ACSM1: variants seen among roughly 807,000 people sequenced by gnomAD.
ACSM1 encodes acyl-CoA synthetase medium chain family member 1.
ACSM1 carries 79 observed loss-of-function variants against 75.8 expected under a neutral mutation model. The observed-to-expected ratio is 1.04, with a 90% CI of 0.87 to 1.26. ACSM1 has a LOEUF of 1.26. Among genes scored for constraint, ACSM1 ranks in the 50% most tolerant of loss-of-function variants. The probability of loss-of-function intolerance (pLI) is 0.00; values close to 1 mark genes in which losing one functional copy is unlikely to be tolerated. For synonymous variants in ACSM1, 279 were observed against 265.8 expected, an observed-to-expected ratio of 1.05 and a Z score of -0.48; for missense variants, 676 against 720.1, an observed-to-expected ratio of 0.94 and a Z score of 0.70.
chr16:20,672,921 TTAC>T (rs1476554479), intron 4 of ACSM1, among the ~76,000 whole-genome samples: 6 of 130,550 alleles, frequency 4.6e-5, no homozygotes, highest in East Asian at 4.5e-4. Flanking sequence ...ATAAAACATA[TTAC>T]ATATAAATAT....
chr16:20,638,031 C>G (rs1054851817), intron 8 of ACSM1, among the ~76,000 whole-genome samples: 5 of 152,208 alleles, frequency 3.3e-5, no homozygotes, highest in Admixed American at 2.6e-4. Flanking sequence ...GTGCTGTTCT[C>G]TCTGTTAGCA....
At chr16:20,679,980 C>G (rs2079405405) in intron 4 of ACSM1, 1 of 152,096 alleles carries the variant, frequency 6.6e-6, no homozygotes, top group Non-Finnish European at 1.5e-5. Flanking sequence ...AAAACAGAAG[C>G]AGTCTGCAAT....
chr16:20,626,250 C>G (rs1029924531), intron 11 of ACSM1, among the ~76,000 whole-genome samples: 1 of 151,800 alleles, frequency 6.6e-6, no homozygotes, highest in Non-Finnish European at 1.5e-5. Flanking sequence ...GCTGGACATG[C>G]TCACTTGAAG....
At chr16:20,683,182 A>G (rs943704986) in intron 3 of ACSM1, among the ~76,000 whole-genome samples, 2 of 151,510 alleles carry the variant, frequency 1.3e-5, no homozygotes, top group Non-Finnish European at 2.9e-5. Flanking sequence ...CAGTGGTGTG[A>G]TCTGAGCTCA....
rs981434797 is a variant in ACSM1 at position 20,691,111 on chromosome 16, C to T, written c.78G>A (p.Gln26=). ...ATTCTGATAAAGACCGGCAGCGCAG[C>T]TGTGAAGGGGCAGGGTGGATGTTGT... ...SFHNIHPAPS[Q]LRCRSLSEFG... Residue 26 remains glutamine, a synonymous_variant, in exon 2 of 14, where the codon CAG becomes CAA. Transcript: ENST00000520010. The T allele has an allele frequency of 1.2e-6, 2 of 1,613,666 alleles. No homozygotes were observed. The highest frequency in any genetic ancestry group is 1.7e-6 in the Non-Finnish European group (2 of 1,179,782).
chr16:20,678,011 AAAATAAATAAATAAAT>A (rs146714630), intron 4 of ACSM1, among the ~76,000 whole-genome samples: 1 of 143,762 alleles, frequency 7.0e-6, no homozygotes, highest in Non-Finnish European at 1.5e-5. Context: ...ACTAAAGGCT[AAAATAAATAAATAAAT>A]AAATAAATAA....
Position 20,697,556 on chromosome 16 carries a change from TACACACACACACACACACACAC to T in ACSM1, c.-52+58_-52+79del, listed in dbSNP as rs57633278. ...GCATTGCCAGAACTTAAAATTGGAT[TACACACACACACACACACACAC>T]ACACACACACACACACACACACACA... On this transcript the variant is annotated intron_variant, in intron 1 of 13. Coordinates refer to ENST00000520010, the MANE Select transcript of ACSM1 (RefSeq NM_001318890.3). 4.3e-5 allele frequency: 6 copies of T among 139,644 alleles called. 2 individuals carry two copies. Among genetic ancestry groups the T allele is most frequent in the South Asian group, 5.1e-4 (2 of 3,898 alleles). The allele number at this position is 139,644 out of a possible 1,614,324, so 8.7% of individuals were successfully genotyped here. A position where few individuals can be genotyped will look rare whatever the true frequency, so the allele number is the denominator to read the frequency against.
At chr16:20,690,057 G>A (rs1322691214) in intron 2 of ACSM1, among the ~76,000 whole-genome samples, 2 of 152,206 alleles carry the variant, frequency 1.3e-5, no homozygotes, top group Non-Finnish European at 2.9e-5. Flanking sequence ...CTGTAACTGA[G>A]GGTTTTATTT....
intron 8 of ACSM1, 126 bp from the exon 9 acceptor site, chr16:20,637,577 G>T (rs535069688): frequency 3.0e-5 from 26 of 853,626 alleles, no homozygotes; most frequent in Non-Finnish European, 5.0e-5. Context: ...GCTGCCCAAA[G>T]AGCCCTCGTA....
intron 5 of ACSM1, 73 bp downstream of exon 5, chr16:20,671,458 C>CAT: frequency 7.0e-7 from 1 of 1,424,818 alleles, no homozygotes; most frequent in Non-Finnish European, 9.5e-7. Context: ...CACACACACA[C>CAT]ACACACACAC....
chr16:20,641,267 G>C (rs1220914483), intron 7 of ACSM1, among the ~76,000 whole-genome samples: 1 of 152,198 alleles, frequency 6.6e-6, no homozygotes, highest in Non-Finnish European at 1.5e-5. Context: ...CTAGCTAATA[G>C]AGGTGGCCTT....
intron 7 of ACSM1, among the ~76,000 whole-genome samples, chr16:20,650,729 G>T (rs2018601956): frequency 6.6e-6 from 1 of 151,982 alleles, no homozygotes; most frequent in South Asian, 2.1e-4. Flanking sequence ...GAATGAGAAT[G>T]ACCCTCTTTT....
At chr16:20,625,168 A>G (rs2016843704) in intron 12 of ACSM1, among the ~76,000 whole-genome samples, 1 of 152,218 alleles carries the variant, frequency 6.6e-6, no homozygotes, top group South Asian at 2.1e-4. Flanking sequence ...TATAAAAAGC[A>G]TAAGTGTTCT....
chr16:20,694,765 A>G (rs758069489), intron 1 of ACSM1, among the ~76,000 whole-genome samples: 1 of 152,164 alleles, frequency 6.6e-6, no homozygotes, highest in Non-Finnish European at 1.5e-5. Context: ...TCAGAACACC[A>G]CTGTATTTGG....
chr16:20,675,444 G>A (rs1423054911), intron 4 of ACSM1, among the ~76,000 whole-genome samples: 1 of 152,142 alleles, frequency 6.6e-6, no homozygotes, highest in African/African-American at 2.4e-5. Context: ...GCAGGGAAAG[G>A]CACGTTCCTG....
intron 1 of ACSM1, among the ~76,000 whole-genome samples, chr16:20,696,225 C>T (rs1368018013): frequency 3.3e-5 from 5 of 152,150 alleles, no homozygotes; most frequent in Admixed American, 1.3e-4. Context: ...ATTTCTCAGA[C>T]GTATCTTGGT....
At chr16:20,654,768 G>A (rs2018852249) in intron 7 of ACSM1, among the ~76,000 whole-genome samples, 1 of 152,192 alleles carries the variant, frequency 6.6e-6, no homozygotes, top group Non-Finnish European at 1.5e-5. Context: ...GAGAGGATGT[G>A]GAGAAATAGG....
At chr16:20,651,953 A>C (rs144718217) in intron 7 of ACSM1, among the ~76,000 whole-genome samples, 4,004 of 152,252 alleles carry the variant, frequency 0.026, 87 homozygotes, top group Non-Finnish European at 0.041. Context: ...AAGTGTTATA[A>C]ACTATAAAAT....
At chr16:20,673,085 ATTATAC>A (rs960439399) in intron 4 of ACSM1, among the ~76,000 whole-genome samples, 3 of 146,638 alleles carry the variant, frequency 2.0e-5, no homozygotes, top group African/African-American at 7.4e-5. Flanking sequence ...TTATATATAA[ATTATAC>A]TTATATATAA....
Sources: allele counts gnomAD v4.1 joint callset (sites outside exome capture counted in the v4.1 genomes callset), GRCh38; gene constraint gnomAD v4.1.1; transcripts MANE v1.5; gene names NCBI Gene and HGNC (gene_info 2026-07-23, HGNC 2026-07-21).